The following RANBP17 variants were observed in gnomAD, a reference collection of about 807,000 sequenced individuals.
RANBP17 encodes the protein RAN binding protein 17.
Under a neutral mutation model 141.2 loss-of-function variants are expected in RANBP17, and 158 were observed. That is an observed-to-expected ratio of 1.12 (90% confidence interval 0.98 to 1.28). The LOEUF is 1.28. Among genes scored for constraint, RANBP17 ranks in the 50% most tolerant of loss-of-function variants. RANBP17 has a pLI of 0.00. For synonymous variants in RANBP17, 430 were observed against 450.0 expected, an observed-to-expected ratio of 0.96 and a Z score of 0.56; for missense variants, 1,438 against 1,290.7, an observed-to-expected ratio of 1.11 and a Z score of -1.75.
intron 14 of RANBP17, among the ~76,000 whole-genome samples, chr5:171,136,067 A>G (rs933763431): frequency 1.3e-5 from 2 of 152,230 alleles, no homozygotes; most frequent in Admixed American, 6.5e-5. Flanking sequence ...TTTTCTTTTC[A>G]TGCATTTATG....
At chr5:171,055,133 C>T (rs1000323946) in intron 14 of RANBP17, among the ~76,000 whole-genome samples, 9 of 152,130 alleles carry the variant, frequency 5.9e-5, no homozygotes, top group African/African-American at 9.7e-5. Context: ...GAGAGCTTTC[C>T]ATGAACTGGG....
chr5:171,170,262 C>G, intron 15 of RANBP17, 59 bp downstream of exon 15: 1 of 829,456 alleles, frequency 1.2e-6, no homozygotes. Flanking sequence ...TGTAATAGAT[C>G]TTTTTATTGT....
chr5:170,972,820 G>C (rs1255028569), intron 14 of RANBP17, among the ~76,000 whole-genome samples: 2 of 152,088 alleles, frequency 1.3e-5, no homozygotes, highest in Non-Finnish European at 2.9e-5. Context: ...CCCCCAGCCA[G>C]GGTAGGTGTC....
chr5:171,271,726 C>A (rs907621580), intron 25 of RANBP17: 1 of 211,686 alleles, frequency 4.7e-6, no homozygotes, highest in South Asian at 1.9e-4. Flanking sequence ...CAGGTAATAA[C>A]GGATTTAAAA....
chr5:170,926,971 C>T (rs1344196543), intron 12 of RANBP17, among the ~76,000 whole-genome samples: 4 of 152,098 alleles, frequency 2.6e-5, no homozygotes, highest in Non-Finnish European at 4.4e-5. Flanking sequence ...TAGATACATA[C>T]GTAATATTTT....
intron 11 of RANBP17, among the ~76,000 whole-genome samples, chr5:170,923,840 G>C (rs770960977): frequency 6.6e-6 from 1 of 151,850 alleles, no homozygotes; most frequent in Non-Finnish European, 1.5e-5. Flanking sequence ...TATTGACCTC[G>C]TATGCTATGA....
chr5:171,253,646 T>C (rs1339154406), intron 24 of RANBP17, among the ~76,000 whole-genome samples: 1 of 152,246 alleles, frequency 6.6e-6, no homozygotes, highest in Non-Finnish European at 1.5e-5. Context: ...TTTTTCCTTA[T>C]TTATTTTACT....
intron 14 of RANBP17, among the ~76,000 whole-genome samples, chr5:171,115,361 ACTATT>A (rs1488365941): frequency 7.9e-5 from 12 of 152,166 alleles, no homozygotes; most frequent in South Asian, 2.1e-4. Flanking sequence ...TAAAACAATG[ACTATT>A]CTATTTCTAA....
chr5:171,199,595 G>A, intron 18 of RANBP17, 75 bp from the exon 19 acceptor site: 1 of 830,112 alleles, frequency 1.2e-6, no homozygotes, highest in Non-Finnish European at 1.9e-6. Context: ...AAGCCTAAAT[G>A]AAGCACTCAA....
At chr5:171,033,473 T>C (rs1385190294) in intron 14 of RANBP17, among the ~76,000 whole-genome samples, 1 of 152,158 alleles carries the variant, frequency 6.6e-6, no homozygotes, top group African/African-American at 2.4e-5. Context: ...CCTGGGACCA[T>C]GCTGTCCTCT....
chr5:171,071,747 T>C (rs1330854871), intron 14 of RANBP17, among the ~76,000 whole-genome samples: 1 of 144,210 alleles, frequency 6.9e-6, no homozygotes, highest in Admixed American at 7.0e-5. Flanking sequence ...AGAACTAAAA[T>C]GTATAACATA....
chr5:171,109,532 A>C (rs1312858487), intron 14 of RANBP17, among the ~76,000 whole-genome samples: 1 of 152,230 alleles, frequency 6.6e-6, no homozygotes, highest in Non-Finnish European at 1.5e-5. Context: ...CACAGATACC[A>C]AAATCCATGG....
At chr5:171,255,045 G>T (rs1765800690) in intron 24 of RANBP17, among the ~76,000 whole-genome samples, 2 of 152,078 alleles carry the variant, frequency 1.3e-5, no homozygotes, top group African/African-American at 4.8e-5. Context: ...ATAATATTTA[G>T]TATTTGTACT....
chr5:171,138,810 A>T (rs1262904851), intron 14 of RANBP17, among the ~76,000 whole-genome samples: 1 of 152,184 alleles, frequency 6.6e-6, no homozygotes, highest in Non-Finnish European at 1.5e-5. Flanking sequence ...AATGGTTCAC[A>T]CTAGTAATCC....
chr5:171,174,246 G>A (rs1760290400), intron 16 of RANBP17, among the ~76,000 whole-genome samples: 1 of 152,124 alleles, frequency 6.6e-6, no homozygotes. Flanking sequence ...CAAATTCCAA[G>A]AATTTCTGAA....
At chr5:171,161,014 A>G (rs1208027265) in intron 14 of RANBP17, among the ~76,000 whole-genome samples, 1 of 152,154 alleles carries the variant, frequency 6.6e-6, no homozygotes, top group Non-Finnish European at 1.5e-5. Context: ...TGGCCAGGCT[A>G]GTCTGGAACT....
chr5:170,967,233 T>G (rs1776636852), intron 13 of RANBP17, among the ~76,000 whole-genome samples: 1 of 152,082 alleles, frequency 6.6e-6, no homozygotes, highest in Admixed American at 6.6e-5. Flanking sequence ...GGGAGGAGAA[T>G]CTGTAGTCAT....
At chr5:171,069,607 G>A (rs559408992) in intron 14 of RANBP17, among the ~76,000 whole-genome samples, 1 of 152,084 alleles carries the variant, frequency 6.6e-6, no homozygotes, top group Non-Finnish European at 1.5e-5. Flanking sequence ...TTCATTTTCA[G>A]TACAGTGTTC....
chr5:171,270,857 C>A (rs139881221), intron 25 of RANBP17, among the ~76,000 whole-genome samples: 5 of 151,938 alleles, frequency 3.3e-5, no homozygotes, highest in African/African-American at 1.2e-4. Context: ...AGAACTATTA[C>A]GCAATTAATT....
Sources: gnomAD v4.1 joint callset for allele counts (sites outside exome capture counted in the v4.1 genomes callset) on GRCh38, gnomAD v4.1.1 for gene constraint, MANE v1.5 for transcripts, NCBI Gene and HGNC (gene_info 2026-07-23, HGNC 2026-07-21) for gene names.